PRKD1: variants seen among roughly 807,000 people sequenced by gnomAD.
PRKD1 encodes protein kinase D1.
In PRKD1, 63 loss-of-function variants were observed where a neutral mutation model predicts 95.9. The observed-to-expected ratio is 0.66, with a 90% confidence interval of 0.54 to 0.81. PRKD1 has a LOEUF of 0.81. Among genes scored for constraint, PRKD1 ranks in the 30% least tolerant of loss-of-function variants. The pLI, the probability that PRKD1 is intolerant of heterozygous loss-of-function variation, is 0.00. For missense variants in PRKD1, 1,048 were observed against 1,165.3 expected (o/e 0.90, Z 1.47); for synonymous variants, 425 against 423.1 (o/e 1.00, Z -0.05).
At chr14:29,912,464 C>T (rs1227777038) in intron 1 of PRKD1, among the ~76,000 whole-genome samples, 3 of 152,146 alleles carry the variant, frequency 2.0e-5, no homozygotes, top group Non-Finnish European at 4.4e-5. Context: ...TTGTGACTTC[C>T]AAACCTATAA....
chr14:29,644,979 C>T (rs1881034726), intron 4 of PRKD1, among the ~76,000 whole-genome samples: 1 of 152,062 alleles, frequency 6.6e-6, no homozygotes, highest in South Asian at 2.1e-4. Context: ...CCTAAAGAAA[C>T]TGAGTTACTG....
chr14:29,652,723 A>G (rs1214498729), intron 4 of PRKD1: 1 of 152,210 alleles, frequency 6.6e-6, no homozygotes, highest in East Asian at 1.9e-4. Context: ...GCATATTTAA[A>G]TGGAAAAATG....
chr14:29,578,473 G>T, intron 16 of PRKD1, 113 bp from the exon 17 acceptor site: 2 of 416,180 alleles, frequency 4.8e-6, no homozygotes, highest in Non-Finnish European at 6.5e-6. Context: ...ATAGTGACAA[G>T]GCACTAGAAC....
intron 1 of PRKD1, among the ~76,000 whole-genome samples, chr14:29,729,197 A>G (rs566933746): frequency 2.0e-5 from 3 of 152,214 alleles, no homozygotes; most frequent in East Asian, 1.9e-4. Flanking sequence ...GGCAAAATAT[A>G]TGGATTGAGA....
rs1257429102 is a variant in PRKD1, at chr14:29,577,337, G to GTACT, written c.2636_2639dup (p.Tyr880Ter). On this transcript the variant is annotated stop_gained and frameshift_variant, in exon 18 of 18. Transcript: ENST00000331968. LOFTEE classifies it high-confidence loss of function. ...CACTTGGATTGATCAGGTGTGTGGG[G>GTACT]TACTGCAGCCCCTGCTCGCCTGCAT... 1.2e-6 allele frequency: 2 copies of GTACT among 1,613,708 alleles called. No individual in the cohort carries two copies. Among genetic ancestry groups the GTACT allele is most frequent in the Non-Finnish European group, 1.7e-6 (2 of 1,179,836 alleles).
At chr14:29,810,993 G>A (rs999642213) in intron 1 of PRKD1, among the ~76,000 whole-genome samples, 1 of 152,122 alleles carries the variant, frequency 6.6e-6, no homozygotes, top group African/African-American at 2.4e-5. Context: ...TTCTTATTAT[G>A]TCACTGAGAT....
intron 4 of PRKD1, among the ~76,000 whole-genome samples, chr14:29,645,409 T>C (rs1881061677): frequency 6.6e-6 from 1 of 152,150 alleles, no homozygotes; most frequent in Non-Finnish European, 1.5e-5. Flanking sequence ...CTGCCTACTT[T>C]CCTATTCAGG....
intron 1 of PRKD1, among the ~76,000 whole-genome samples, chr14:29,910,943 C>T (rs190239903): frequency 3.3e-5 from 5 of 152,220 alleles, no homozygotes; most frequent in Admixed American, 3.3e-4. Flanking sequence ...TGTGTGGAAT[C>T]ACACAATTAT....
At chr14:29,838,376 C>A (rs1439778266) in intron 1 of PRKD1, among the ~76,000 whole-genome samples, 1 of 152,152 alleles carries the variant, frequency 6.6e-6, no homozygotes, top group Non-Finnish European at 1.5e-5. Flanking sequence ...GCCATAAGTG[C>A]TTCACATCTG....
intron 1 of PRKD1, among the ~76,000 whole-genome samples, chr14:29,864,812 T>C (rs559366385): frequency 1.3e-5 from 2 of 152,306 alleles, no homozygotes; most frequent in South Asian, 4.1e-4. Flanking sequence ...TAACAGCCCA[T>C]GTGAATAACA....
intron 1 of PRKD1, among the ~76,000 whole-genome samples, chr14:29,810,164 C>G (rs2139240571): frequency 6.6e-6 from 1 of 152,206 alleles, no homozygotes; most frequent in South Asian, 2.1e-4. Context: ...AATCATTCAT[C>G]ACAGATCACC....
chr14:29,887,116 T>C (rs1025637153), intron 1 of PRKD1, among the ~76,000 whole-genome samples: 3 of 152,202 alleles, frequency 2.0e-5, no homozygotes, highest in East Asian at 1.9e-4. Flanking sequence ...CAATTGTTTG[T>C]TCTTGCAAAT....
intron 1 of PRKD1, among the ~76,000 whole-genome samples, chr14:29,912,167 C>T (rs547022350): frequency 3.4e-4 from 52 of 152,262 alleles, no homozygotes; most frequent in African/African-American, 1.2e-3. Context: ...AGTATCATCT[C>T]CCTGTTTCAA....
At chr14:29,677,386 C>T (rs61977990) in intron 2 of PRKD1, among the ~76,000 whole-genome samples, 78,881 of 152,016 alleles carry the variant, frequency 0.52, 23,100 homozygotes, top group African/African-American at 0.8. Context: ...TTCTGGAGAA[C>T]AATTTAGATC....
chr14:29,755,676 T>C (rs1887664995), intron 1 of PRKD1, among the ~76,000 whole-genome samples: 1 of 152,196 alleles, frequency 6.6e-6, no homozygotes, highest in Non-Finnish European at 1.5e-5. Flanking sequence ...CATGGGTCAC[T>C]GCCCTCCAGC....
At chr14:29,672,892 A>G (rs1882946384) in intron 2 of PRKD1, among the ~76,000 whole-genome samples, 2 of 152,190 alleles carry the variant, frequency 1.3e-5, no homozygotes, top group South Asian at 2.1e-4. Context: ...CTCAGAAAAA[A>G]AAAAAGAAAT....
chr14:29,831,228 G>T (rs557421083), intron 1 of PRKD1, among the ~76,000 whole-genome samples: 1 of 152,194 alleles, frequency 6.6e-6, no homozygotes, highest in Admixed American at 6.5e-5. Context: ...TGAGAAAACG[G>T]AGGCAAAGCT....
intron 4 of PRKD1, among the ~76,000 whole-genome samples, chr14:29,646,929 G>T (rs999780178): frequency 3.3e-5 from 5 of 152,144 alleles, no homozygotes; most frequent in South Asian, 4.1e-4. Context: ...AATTCAGGCA[G>T]TAGAGAGTAG....
At chr14:29,647,409 C>T (rs190294511) in intron 4 of PRKD1, among the ~76,000 whole-genome samples, 5 of 152,040 alleles carry the variant, frequency 3.3e-5, no homozygotes, top group Admixed American at 1.3e-4. Context: ...ACATTTCCAC[C>T]GAAGAAGAAA....
Sources: gnomAD v4.1 joint callset for allele counts (sites outside exome capture counted in the v4.1 genomes callset) on GRCh38, gnomAD v4.1.1 for gene constraint, MANE v1.5 for transcripts, NCBI Gene and HGNC (gene_info 2026-07-23, HGNC 2026-07-21) for gene names.